PLEKHB2: variants seen among roughly 807,000 people sequenced by gnomAD.
PLEKHB2 encodes the protein pleckstrin homology domain containing B2, also known as pleckstrin homology domain-containing family B member 2.
PLEKHB2 carries 31 observed loss-of-function variants against 36.5 expected under a neutral mutation model. That is an observed-to-expected ratio of 0.85 (90% confidence interval 0.64 to 1.15). PLEKHB2 has a LOEUF of 1.15. Ranked by LOEUF, PLEKHB2 falls within the 50% of genes most tolerant of loss-of-function variation. The pLI, the probability that PLEKHB2 is intolerant of heterozygous loss-of-function variation, is 0.00. For missense variants in PLEKHB2, 262 were observed against 295.3 expected (o/e 0.89, Z 0.83); for synonymous variants, 119 against 112.0 (o/e 1.06, Z -0.39).
chr2:131,148,012 G>A lies in PLEKHB2; in HGVS notation c.*1239G>A, dbSNP rs937928519. The A allele has an allele frequency of 6.6e-6, 1 of 152,360 alleles. No individual in the cohort carries two copies. Among genetic ancestry groups the A allele is most frequent in the Non-Finnish European group, 1.5e-5 (1 of 68,238 alleles). 9.4% of individuals were successfully genotyped at this position (152,360 alleles called of 1,614,324 possible). A position where few individuals can be genotyped will look rare whatever the true frequency, so the allele number is the denominator to read the frequency against. On this transcript the variant is annotated 3_prime_UTR_variant, in exon 8 of 8. Transcript: ENST00000693505. Reference sequence around the variant, plus strand: ...GCGTTCCCATTTCTGGCCTTTGGGGGTTTGCACTGTGCGGGAGATGCTCTC... The same window carrying A: ...GCGTTCCCATTTCTGGCCTTTGGGGATTTGCACTGTGCGGGAGATGCTCTC...
chr2:131,107,672 A>G (rs1347839275), intron 1 of PLEKHB2: 2 of 151,968 alleles, frequency 1.3e-5, no homozygotes, highest in Non-Finnish European at 2.9e-5. Context: ...TTTATTTTTT[A>G]TTTTTTTGAG....
chr2:131,141,291 T>C (rs559030981), intron 7 of PLEKHB2, among the ~76,000 whole-genome samples: 1 of 152,286 alleles, frequency 6.6e-6, no homozygotes, highest in Admixed American at 6.5e-5. Context: ...GCACGGACTT[T>C]GGAGGATCCT....
chr2:131,130,861 G>T, intron 5 of PLEKHB2, 101 bp downstream of exon 5: 1 of 800,972 alleles, frequency 1.2e-6, no homozygotes, highest in African/African-American at 1.7e-5. Flanking sequence ...CCTCACTGCA[G>T]CCTCTACCTC....
chr2:131,140,561 G>A, intron 7 of PLEKHB2, among the ~76,000 whole-genome samples: 1 of 152,202 alleles, frequency 6.6e-6, no homozygotes, highest in Non-Finnish European at 1.5e-5. Flanking sequence ...AGCAACCAAA[G>A]TAAGAGGCCT....
At chr2:131,108,963 G>A (rs1361388372) in intron 1 of PLEKHB2, among the ~76,000 whole-genome samples, 1 of 152,140 alleles carries the variant, frequency 6.6e-6, no homozygotes, top group Admixed American at 6.5e-5. Flanking sequence ...TGACTTGTCC[G>A]ATTGAGTCAG....
At chr2:131,131,903 G>A (rs560432034) in intron 5 of PLEKHB2, among the ~76,000 whole-genome samples, 2 of 151,574 alleles carry the variant, frequency 1.3e-5, no homozygotes, top group East Asian at 2.0e-4. Flanking sequence ...GAGCGATCTC[G>A]GCTCACTGCA....
At position 131,140,164 on chromosome 2, in the gene PLEKHB2, C is replaced by T. The variant is rs1219537227; in HGVS notation, c.424-3C>T. 3.2e-6 allele frequency: 5 copies of T among 1,587,260 alleles called. No individual in the cohort carries two copies. In the Admixed American group the frequency reaches 5.2e-5, roughly 17 times the overall value. On this transcript the variant is annotated splice_polypyrimidine_tract_variant and splice_region_variant and intron_variant, in intron 6 of 7. Coordinates refer to ENST00000693505, the MANE Select transcript of PLEKHB2 (RefSeq NM_001100623.2). ...TATTTCTAATGGGCCTGTTTCTTTT[C>T]AGCAGGCTTATGGCTATGGGCCATA...
chr2:131,116,614 A>T (rs906335902), intron 1 of PLEKHB2, among the ~76,000 whole-genome samples: 2 of 152,098 alleles, frequency 1.3e-5, no homozygotes, highest in African/African-American at 4.8e-5. Context: ...CTATCACAAG[A>T]CCAGCAACAG....
intron 1 of PLEKHB2, among the ~76,000 whole-genome samples, chr2:131,113,806 T>C (rs1360722638): frequency 6.6e-6 from 1 of 152,150 alleles, no homozygotes; most frequent in African/African-American, 2.4e-5. Flanking sequence ...ACGCCCAGTC[T>C]CCAGAGGCAT....
At chr2:131,140,338 T>A in intron 7 of PLEKHB2, 63 bp downstream of exon 7, 1 of 830,168 alleles carries the variant, frequency 1.2e-6, no homozygotes, top group Non-Finnish European at 2.0e-6. Flanking sequence ...CAGAGAGACC[T>A]GTAAACGTTT....
At chr2:131,118,351 A>G (rs1056507231) in intron 1 of PLEKHB2, among the ~76,000 whole-genome samples, 12 of 152,164 alleles carry the variant, frequency 7.9e-5, no homozygotes, top group Non-Finnish European at 1.5e-4. Flanking sequence ...AAAAACTGCA[A>G]AGAGAGCAAG....
At chr2:131,143,293 ATTTTTGACGGT>A (rs1424417285) in intron 7 of PLEKHB2, among the ~76,000 whole-genome samples, 2 of 152,206 alleles carry the variant, frequency 1.3e-5, no homozygotes, top group Non-Finnish European at 2.9e-5. Flanking sequence ...AGGCATAGAC[ATTTTTGACGGT>A]TTTTTGGGAT....
intron 1 of PLEKHB2, among the ~76,000 whole-genome samples, chr2:131,111,360 C>CTT (rs770158112): frequency 1.3e-4 from 15 of 111,580 alleles, no homozygotes; most frequent in African/African-American, 3.1e-4. Flanking sequence ...ATCTCTTGGT[C>CTT]TTTTTTTTTT....
At chr2:131,119,670 C>T (rs895045601) in intron 1 of PLEKHB2, among the ~76,000 whole-genome samples, 2 of 152,126 alleles carry the variant, frequency 1.3e-5, no homozygotes, top group African/African-American at 4.8e-5. Flanking sequence ...TCAAATTTCC[C>T]TTTGGAAAGG....
chr2:131,141,136 G>A (rs945126207), intron 7 of PLEKHB2, among the ~76,000 whole-genome samples: 1 of 152,178 alleles, frequency 6.6e-6, no homozygotes, highest in Non-Finnish European at 1.5e-5. Context: ...AGGCCTCTGG[G>A]TTACAATCTT....
At chr2:131,121,570 A>T (rs899569297) in intron 2 of PLEKHB2, among the ~76,000 whole-genome samples, 4 of 152,022 alleles carry the variant, frequency 2.6e-5, no homozygotes, top group Non-Finnish European at 5.9e-5. Context: ...TTAATGATGG[A>T]TCTGGGACTG....
chr2:131,129,379 G>GA (rs996640783), intron 4 of PLEKHB2, among the ~76,000 whole-genome samples: 2 of 145,434 alleles, frequency 1.4e-5, no homozygotes, highest in African/African-American at 5.0e-5. Context: ...GAAAATAAGT[G>GA]AATGAATCTT....
intron 5 of PLEKHB2, among the ~76,000 whole-genome samples, chr2:131,132,399 T>C (rs1045174023): frequency 5.3e-5 from 8 of 152,144 alleles, no homozygotes; most frequent in Non-Finnish European, 1.2e-4. Context: ...CTCGAGCTCC[T>C]GGGCTCGAGT....
rs573059013 is a variant in PLEKHB2, at chr2:131,138,943, C to T, written c.424-1224C>T. Among the ~76,000 whole-genome samples the T allele has an allele frequency of 2.2e-4, 33 of 152,262 alleles. No individual in the cohort carries two copies. In the South Asian group the frequency reaches 5.8e-3, roughly 27 times the overall value. The stretch of plus-strand genomic sequence containing the variant: ...CAGCCCCCCACTCAGTCTTATTTGA[C>T]GGTGTTCTGAAGGCCCGGCAGTGCC... On this transcript the variant is annotated intron_variant, in intron 6 of 7. Transcript: ENST00000693505.
Sources: allele counts gnomAD v4.1 joint callset (sites outside exome capture counted in the v4.1 genomes callset), GRCh38; gene constraint gnomAD v4.1.1; transcripts MANE v1.5; gene names NCBI Gene and HGNC (gene_info 2026-07-23, HGNC 2026-07-21).